BOK: variants seen among roughly 807,000 people sequenced by gnomAD.
BOK encodes BCL2 family apoptosis regulator BOK.
Under a neutral mutation model 18.3 loss-of-function variants are expected in BOK, and 20 were observed. The observed-to-expected ratio is 1.09, with a 90% CI of 0.77 to 1.59. The LOEUF (loss-of-function observed/expected upper bound fraction) is 1.59. BOK is among the 40% of genes most tolerant of loss of function. BOK has a pLI of 0.00. For missense variants in BOK, 348 were observed against 307.9 expected (o/e 1.13, Z -0.97); for synonymous variants, 173 against 142.4 (o/e 1.21, Z -1.53).
In BOK at chr2:241,559,462, G is replaced by A. The variant is rs993971694; in HGVS notation, c.-22G>A. 13 of 1,432,128 alleles carry A rather than the reference G, an allele frequency of 9.1e-6. No individual in the cohort carries two copies. The highest frequency in any genetic ancestry group is 5.6e-5 in the South Asian group (4 of 71,044). The allele number at this position is 1,432,128 out of a possible 1,614,324, so 88.7% of individuals were successfully genotyped here. A position where few individuals can be genotyped will look rare whatever the true frequency, so the allele number is the denominator to read the frequency against. ...GAGCGCTTGTGCCCGCAGGTGCGGC[G>A]CCCCCCACCCGCGTCGCCGCCATGG... On this transcript the variant is annotated 5_prime_UTR_variant, in exon 2 of 5. Transcript: ENST00000318407.
Position 241,562,250 on chromosome 2 carries a change from G to T in BOK, c.221-98G>T. ...GAGGAACAGGCTGGAATTCAAGCATGGTCAGGTGGGGGTCAGGTGCAGGGT... is the reference window on the plus strand; with the variant it reads ...GAGGAACAGGCTGGAATTCAAGCATTGTCAGGTGGGGGTCAGGTGCAGGGT... On this transcript the variant is annotated intron_variant, in intron 2 of 4. Transcript: ENST00000318407. This position sits in a 1 kb window ranked among gnomAD's most constrained non-coding sequence, Gnocchi z 4.5. 1 of 1,423,052 alleles carries T rather than the reference G, an allele frequency of 7.0e-7. No homozygotes were observed. The highest frequency in any genetic ancestry group is 1.4e-5 in the South Asian group (1 of 72,300). 88.2% of individuals were successfully genotyped at this position (1,423,052 alleles called of 1,614,324 possible).
chr2:241,571,793 A>G (rs1323077578), intron 4 of BOK, among the ~76,000 whole-genome samples: 1 of 152,256 alleles, frequency 6.6e-6, no homozygotes, highest in Admixed American at 6.5e-5. Context: ...TTCAGAGTCC[A>G]GGGAGTCCGT....
In BOK at chr2:241,560,365, G is replaced by A. The variant is rs942846524; in HGVS notation, c.220+662G>A. 7.9e-6 allele frequency: 7 copies of A among 883,030 alleles called. No homozygotes were observed. The African/African-American group carries it at 1.1e-4, about 14-fold the overall frequency. The allele number at this position is 883,030 out of a possible 1,614,324, so 54.7% of individuals were successfully genotyped here. ...ACCTGGGAATGTTTATGTGATGCCC[G>A]AAGAGGGCACATGGGGCGCCTGTGG... On this transcript the variant is annotated intron_variant, in intron 2 of 4. Transcript: ENST00000318407.
At chr2:241,567,513 C>T (rs2066634134) in intron 3 of BOK, among the ~76,000 whole-genome samples, 1 of 135,296 alleles carries the variant, frequency 7.4e-6, no homozygotes, top group African/African-American at 2.9e-5. Context: ...GCTCCGCTCC[C>T]CGCATGGCCG....
intron 2 of BOK, among the ~76,000 whole-genome samples, chr2:241,561,151 A>T (rs1218081952): frequency 6.6e-6 from 1 of 152,062 alleles, no homozygotes; most frequent in Admixed American, 6.5e-5. Flanking sequence ...AGCCTTTATC[A>T]GCTGGGATGG....
chr2:241,567,333 G>T (rs2066631809), intron 3 of BOK, among the ~76,000 whole-genome samples: 2 of 132,876 alleles, frequency 1.5e-5, no homozygotes, highest in Non-Finnish European at 1.6e-5. Flanking sequence ...CACCATGTTG[G>T]CCAGGCTGAT....
chr2:241,556,827 T>A (rs148343525), upstream of BOK, among the ~76,000 whole-genome samples: 1,555 of 152,318 alleles, frequency 0.01, 105 homozygotes, highest in Admixed American at 0.09. Context: ...GGTATTTTTT[T>A]AACTGTTGAG....
At chr2:241,568,325 T>G (rs1040114142) in intron 3 of BOK, among the ~76,000 whole-genome samples, 2 of 152,094 alleles carry the variant, frequency 1.3e-5, no homozygotes, top group African/African-American at 4.8e-5. Context: ...TTTCACCGTT[T>G]TAGCCAGGAT....
At chr2:241,559,807 C>A (rs2066498494) in intron 2 of BOK, 104 bp downstream of exon 2, 1 of 1,209,792 alleles carries the variant, frequency 8.3e-7, no homozygotes, top group Non-Finnish European at 1.0e-6. Context: ...CGCCCACCCC[C>A]TGCCTGGGAC....
chr2:241,562,442 G>T lies in BOK; in HGVS notation c.315G>T (p.Ala105=). Residue 105 remains alanine, a synonymous_variant, in exon 3 of 5, where the codon GCG becomes GCT. Coordinates refer to ENST00000318407, the MANE Select transcript of BOK (RefSeq NM_032515.5). This position sits in a 1 kb window ranked among gnomAD's most constrained non-coding sequence, Gnocchi z 4.5. ...AGTCTGAGCCTGTGGTGACCGATGC[G>T]TTCCTGGCCGTGGCTGGCCACATCT... The part of the protein sequence containing the change: ...SLQSEPVVTD[A]FLAVAGHIFS... 6.2e-7 allele frequency: 1 copy of T among 1,611,966 alleles called. No individual in the cohort carries two copies. The highest frequency in any genetic ancestry group is 8.5e-7 in the Non-Finnish European group (1 of 1,179,780).
Position 241,572,763 on chromosome 2 carries a change from G to A in BOK, c.*341G>A, listed in dbSNP as rs2066744911. On this transcript the variant is annotated 3_prime_UTR_variant, in exon 5 of 5. Transcript: ENST00000318407. ...GGGCCCAGAACACCTGCTCTCACCT[G>A]AGCCCCAGGTGAAGGGGCCCGGGAA... is the stretch of plus-strand genomic sequence containing the variant. 3.3e-6 allele frequency: 1 copy of A among 305,398 alleles called. No homozygotes were observed. The highest frequency in any genetic ancestry group is 2.1e-5 in the African/African-American group (1 of 47,400). 18.9% of individuals were successfully genotyped at this position (305,398 alleles called of 1,614,324 possible).
Position 241,570,246 on chromosome 2 carries a change from G to A in BOK, c.471G>A (p.Val157=), listed in dbSNP as rs1293306140. Residue 157 remains valine (V), a synonymous_variant, in exon 4 of 5, where the codon GTG becomes GTA. Coordinates refer to ENST00000318407, the MANE Select transcript of BOK (RefSeq NM_032515.5). ...TCGTGGACTGCCTGGGGGAGTTCGT[G>A]CGCAAGACCCTGGCAACCTGGCTGC... is the stretch of plus-strand genomic sequence containing the variant. The part of the protein sequence containing the change: ...HALVDCLGEF[V]RKTLATWLRR... The A allele has an allele frequency of 6.3e-7, 1 of 1,588,370 alleles. No homozygotes were observed. The highest frequency in any genetic ancestry group is 1.1e-5 in the South Asian group (1 of 88,216).
chr2:241,554,492 C>T (rs1324827190), upstream of BOK, among the ~76,000 whole-genome samples: 6 of 152,134 alleles, frequency 3.9e-5, no homozygotes, highest in African/African-American at 7.2e-5. Context: ...GGGGCCCACC[C>T]GCTTCCACAC....
chr2:241,554,484 G>T (rs1435790234), upstream of BOK, among the ~76,000 whole-genome samples: 4 of 152,074 alleles, frequency 2.6e-5, no homozygotes, highest in Non-Finnish European at 5.9e-5. Context: ...AGCTGATGGG[G>T]GCCCACCCGC....
Position 241,562,223 on chromosome 2 carries a change from G to T in BOK, c.221-125G>T, listed in dbSNP as rs957673459. On this transcript the variant is annotated intron_variant, in intron 2 of 4. Transcript: ENST00000318407. This position sits in a 1 kb window ranked among gnomAD's most constrained non-coding sequence, Gnocchi z 4.5. The stretch of plus-strand genomic sequence containing the variant: ...TCAAGTGGAGGTGGGAATCAGACAA[G>T]TGAGGAACAGGCTGGAATTCAAGCA... 12 of 1,281,586 alleles carry T rather than the reference G, an allele frequency of 9.4e-6. No homozygotes were observed. The Admixed American group carries it at 2.3e-4, about 24-fold the overall frequency. The allele number at this position is 1,281,586 out of a possible 1,614,324, so 79.4% of individuals were successfully genotyped here.
rs1486895676 is a variant in BOK at position 241,571,415 on chromosome 2, CA to C, written c.514-881del. ...TTGGCCTGGTGTGTAAATCAGCGGC[CA>C]GGGGTGACAGCGCTCAGACCCCTCT... On this transcript the variant is annotated intron_variant, in intron 4 of 4. Coordinates refer to ENST00000318407, the MANE Select transcript of BOK (RefSeq NM_032515.5). 2.0e-5 allele frequency among the ~76,000 whole-genome samples: 3 copies of C among 150,350 alleles called. No individual in the cohort carries two copies. The East Asian group carries it at 5.8e-4, about 29-fold the overall frequency.
chr2:241,569,032 G>A (rs181291885), intron 3 of BOK, among the ~76,000 whole-genome samples: 170 of 152,318 alleles, frequency 1.1e-3, no homozygotes, highest in Non-Finnish European at 1.1e-3. Flanking sequence ...ATGTTTTGTG[G>A]CCATTCAGAT....
intron 3 of BOK, among the ~76,000 whole-genome samples, chr2:241,566,346 G>A (rs1470833021): frequency 6.8e-6 from 1 of 146,642 alleles, no homozygotes; most frequent in Non-Finnish European, 1.5e-5. Flanking sequence ...TGCCCAGGCT[G>A]GAGGTGCAAT....
chr2:241,570,288 G>A lies in BOK; in HGVS notation c.513G>A (p.Trp171Ter). Reference protein sequence around the residue: ...LATWLRRRGGWTDVLKCVVST... With the variant: ...LATWLRRRGG ...CCTGGCTGCGGAGACGCGGCGGATG[G>A]GTGAGCGCCTGAGTGCCCGTGTGGG... The change falls in exon 4 of 5, where the codon TGG becomes TGA. Residue 171 changes from tryptophan to a stop codon, truncating the protein, a stop_gained and splice_region_variant. Coordinates refer to ENST00000318407, the MANE Select transcript of BOK (RefSeq NM_032515.5). LOFTEE classifies it high-confidence loss of function. The A allele has an allele frequency of 1.3e-6, 2 of 1,553,150 alleles. No individual in the cohort carries two copies. Among genetic ancestry groups the A allele is most frequent in the African/African-American group, 1.4e-5 (1 of 73,288 alleles).
Sources: gnomAD v4.1 joint callset for allele counts (sites outside exome capture counted in the v4.1 genomes callset) on GRCh38, gnomAD v4.1.1 for gene constraint, Gnocchi (gnomAD v3.1) non-coding constraint, MANE v1.5 for transcripts, NCBI Gene and HGNC (gene_info 2026-07-23, HGNC 2026-07-21) for gene names.